RFX3: variants seen among roughly 807,000 people sequenced by gnomAD.
RFX3 encodes transcription factor RFX3.
RFX3 carries 14 observed loss-of-function variants against 98.6 expected under a neutral mutation model. The ratio of observed to expected loss-of-function variants is 0.14; its 90% CI spans 0.09 to 0.22. The LOEUF (loss-of-function observed/expected upper bound fraction) is 0.22. RFX3 is among the 10% of genes least tolerant of loss of function. RFX3 has a pLI of 1.00. For synonymous variants in RFX3, 383 were observed against 328.4 expected (o/e 1.17, Z -1.80); for missense variants, 639 against 926.9 (o/e 0.69, Z 4.03).
chr9:3,405,984 T>A (rs1841933922), intron 1 of RFX3, among the ~76,000 whole-genome samples: 1 of 152,130 alleles, frequency 6.6e-6, no homozygotes, highest in Non-Finnish European at 1.5e-5. Flanking sequence ...AGACAAGGTC[T>A]CACTCTGTTG....
At chr9:3,408,723 A>G (rs1228718742) in intron 1 of RFX3, among the ~76,000 whole-genome samples, 1 of 152,146 alleles carries the variant, frequency 6.6e-6, no homozygotes, top group East Asian at 1.9e-4. Context: ...ATGCACACGC[A>G]AATAAACACA....
intron 3 of RFX3, among the ~76,000 whole-genome samples, chr9:3,332,593 G>A (rs892083447): frequency 1.3e-5 from 2 of 152,066 alleles, no homozygotes; most frequent in Admixed American, 6.5e-5. Flanking sequence ...TTTCTGTAAC[G>A]CAGATATAAA....
intron 1 of RFX3, chr9:3,400,314 G>C: frequency 2.1e-6 from 1 of 487,204 alleles, no homozygotes; most frequent in Non-Finnish European, 2.7e-6. Flanking sequence ...GGGGAAATAA[G>C]ATAGGTAAAA....
intron 1 of RFX3, among the ~76,000 whole-genome samples, chr9:3,463,941 C>G (rs1847961163): frequency 6.6e-6 from 1 of 152,044 alleles, no homozygotes; most frequent in African/African-American, 2.4e-5. Context: ...CCACTGCACT[C>G]CTGCCTTCAT....
intron 1 of RFX3, among the ~76,000 whole-genome samples, chr9:3,489,214 C>T (rs1442183895): frequency 6.6e-6 from 1 of 152,048 alleles, no homozygotes; most frequent in Non-Finnish European, 1.5e-5. Context: ...CTGGCAATTG[C>T]ATTTCAACTC....
In RFX3 at chr9:3,254,484, G is replaced by C. The variant is rs540972399; in HGVS notation, c.1814+2507C>G. Among the ~76,000 whole-genome samples the C allele has an allele frequency of 4.6e-5, 7 of 151,848 alleles. No homozygotes were observed. In the South Asian group the frequency reaches 1.5e-3, roughly 32 times the overall value. On this transcript the variant is annotated intron_variant, in intron 14 of 16. Coordinates refer to ENST00000617270, the MANE Select transcript of RFX3 (RefSeq NM_001282116.2). ...CATATACCACTTACGTTGTTATCTG[G>C]GAAAAAACTTGATGAATAAAAAGAA...
At chr9:3,405,117 G>T (rs890901641) in intron 1 of RFX3, among the ~76,000 whole-genome samples, 1 of 152,044 alleles carries the variant, frequency 6.6e-6, no homozygotes, top group East Asian at 1.9e-4. Context: ...TGCCTTCCAA[G>T]ACATTCATTT....
At chr9:3,492,698 T>C (rs1173405522) in intron 1 of RFX3, among the ~76,000 whole-genome samples, 1 of 152,162 alleles carries the variant, frequency 6.6e-6, no homozygotes, top group Non-Finnish European at 1.5e-5. Context: ...GGAGGTAGAC[T>C]GCAGGACACA....
intron 3 of RFX3, among the ~76,000 whole-genome samples, chr9:3,339,808 G>A (rs886233236): frequency 9.2e-5 from 14 of 152,052 alleles, no homozygotes; most frequent in South Asian, 2.1e-4. Flanking sequence ...AATCAATATC[G>A]TGAAAATGGC....
intron 1 of RFX3, among the ~76,000 whole-genome samples, chr9:3,435,801 G>GT (rs1845071868): frequency 4.8e-5 from 4 of 83,044 alleles, no homozygotes; most frequent in African/African-American, 2.6e-4. Flanking sequence ...CATCTGCATT[G>GT]TAAAAAAAAA....
At chr9:3,238,340 C>A (rs1819458675) in intron 15 of RFX3, among the ~76,000 whole-genome samples, 1 of 152,094 alleles carries the variant, frequency 6.6e-6, no homozygotes. Flanking sequence ...TCGGTTTATG[C>A]ACTGATCAAG....
chr9:3,338,027 C>A (rs948471840), intron 3 of RFX3, among the ~76,000 whole-genome samples: 10 of 152,232 alleles, frequency 6.6e-5, no homozygotes, highest in South Asian at 6.2e-4. Flanking sequence ...GACTGAATAT[C>A]CGAATATTCA....
intron 1 of RFX3, among the ~76,000 whole-genome samples, chr9:3,460,342 T>C (rs1482025361): frequency 1.3e-5 from 2 of 152,028 alleles, no homozygotes; most frequent in East Asian, 3.8e-4. Context: ...AACACCAATT[T>C]AAGAACACAA....
intron 15 of RFX3, among the ~76,000 whole-genome samples, chr9:3,237,312 C>A (rs114878476): frequency 0.036 from 5,424 of 152,236 alleles, 181 homozygotes; most frequent in African/African-American, 0.088. Flanking sequence ...CTGTTGGATT[C>A]TTTGTAATTC....
At chr9:3,438,317 C>T (rs1026300954) in intron 1 of RFX3, among the ~76,000 whole-genome samples, 3 of 152,106 alleles carry the variant, frequency 2.0e-5, no homozygotes, top group African/African-American at 4.8e-5. Flanking sequence ...ACTTACACGA[C>T]ATTAGACTTC....
chr9:3,310,420 T>C (rs1025516778), intron 4 of RFX3, among the ~76,000 whole-genome samples: 1 of 152,190 alleles, frequency 6.6e-6, no homozygotes, highest in Non-Finnish European at 1.5e-5. Flanking sequence ...GGTCAAGGCA[T>C]GTTCTCTCGA....
At chr9:3,509,393 C>A (rs1017672213) in intron 1 of RFX3, among the ~76,000 whole-genome samples, 2 of 151,808 alleles carry the variant, frequency 1.3e-5, no homozygotes, top group African/African-American at 4.8e-5. Flanking sequence ...AGCACCTTTA[C>A]CCTCATCAAA....
intron 1 of RFX3, among the ~76,000 whole-genome samples, chr9:3,428,213 C>T (rs1020045632): frequency 6.6e-6 from 1 of 152,136 alleles, no homozygotes; most frequent in Non-Finnish European, 1.5e-5. Context: ...GTAGCAAAAG[C>T]TCTTGCACAC....
intron 3 of RFX3, among the ~76,000 whole-genome samples, chr9:3,343,393 C>T (rs1333425260): frequency 6.6e-6 from 1 of 152,140 alleles, no homozygotes; most frequent in East Asian, 1.9e-4. Context: ...GGATCAAACA[C>T]TAACTTGCTG....
Sources: gnomAD v4.1 joint callset for allele counts (sites outside exome capture counted in the v4.1 genomes callset) on GRCh38, gnomAD v4.1.1 for gene constraint, MANE v1.5 for transcripts, NCBI Gene and HGNC (gene_info 2026-07-23, HGNC 2026-07-21) for gene names.